DLGAP2: variants seen among roughly 807,000 people sequenced by gnomAD.
The protein encoded by DLGAP2 is DLG associated protein 2.
DLGAP2 carries 26 observed loss-of-function variants against 100.3 expected under a neutral mutation model. That is an observed-to-expected ratio of 0.26 (90% CI 0.19 to 0.36). The LOEUF is 0.36. Ranked by LOEUF, DLGAP2 falls within the 10% of genes least tolerant of loss-of-function variation. DLGAP2 has a pLI of 1.00. For synonymous variants in DLGAP2, 886 were observed against 630.1 expected (o/e 1.41, Z -6.08); for missense variants, 1,858 against 1,453.2 (o/e 1.28, Z -4.53).
At chr8:1,524,692 A>T (rs1425408933) in intron 4 of DLGAP2, among the ~76,000 whole-genome samples, 1 of 152,086 alleles carries the variant, frequency 6.6e-6, no homozygotes, top group East Asian at 1.9e-4. Flanking sequence ...AAACCTTCTC[A>T]TTGCCTTTCC....
chr8:1,332,880 G>A (rs1220535404), intron 3 of DLGAP2, among the ~76,000 whole-genome samples: 1 of 152,192 alleles, frequency 6.6e-6, no homozygotes. Context: ...CACGTGTGTT[G>A]AAAGCTCTGG....
chr8:878,456 G>T (rs1028008824), intron 1 of DLGAP2, among the ~76,000 whole-genome samples: 1 of 152,196 alleles, frequency 6.6e-6, no homozygotes, highest in Non-Finnish European at 1.5e-5. Flanking sequence ...AGTAGAGGTT[G>T]TGGGGACTGC....
intron 2 of DLGAP2, among the ~76,000 whole-genome samples, chr8:1,226,740 A>G (rs1365369301): frequency 3.9e-5 from 6 of 152,172 alleles, no homozygotes; most frequent in African/African-American, 1.4e-4. Flanking sequence ...CGCTTTTCAC[A>G]CAACTGTTGA....
In DLGAP2 at chr8:898,659, C is replaced by T. The variant is rs1251433771; in HGVS notation, c.19-9253C>T. On this transcript the variant is annotated intron_variant, in intron 1 of 14. Coordinates refer to ENST00000637795, the MANE Select transcript of DLGAP2 (RefSeq NM_001346810.2). ...TGCAGCTCATTGCTGGGTCCTCACT[C>T]AGATGCCTCTGTGGGGACCTCTGGT... Among the ~76,000 whole-genome samples, 9 of 150,706 alleles carry T rather than the reference C, an allele frequency of 6.0e-5. No homozygotes were observed. The South Asian group carries it at 1.7e-3, about 28-fold the overall frequency.
Position 1,359,727 on chromosome 8 carries a change from C to T in DLGAP2, c.106+100844C>T, listed in dbSNP as rs1454744242. ...AGCTCTTATAAAACCCGCGCGTTCCCTGCGCAGCGTGGGACTGTGGATATT... is the reference window on the plus strand; with the variant it reads ...AGCTCTTATAAAACCCGCGCGTTCCTTGCGCAGCGTGGGACTGTGGATATT... On this transcript the variant is annotated intron_variant, in intron 3 of 14. Coordinates refer to ENST00000637795, the MANE Select transcript of DLGAP2 (RefSeq NM_001346810.2). 3.3e-5 allele frequency among the ~76,000 whole-genome samples: 5 copies of T among 152,250 alleles called. No individual in the cohort carries two copies. The South Asian group carries it at 6.2e-4, about 19-fold the overall frequency.
chr8:1,591,732 G>A (rs902525415), intron 6 of DLGAP2, among the ~76,000 whole-genome samples: 3 of 152,244 alleles, frequency 2.0e-5, no homozygotes, highest in African/African-American at 4.8e-5. Flanking sequence ...ATATCTCCTG[G>A]CCCCACATCA....
intron 3 of DLGAP2, among the ~76,000 whole-genome samples, chr8:1,390,078 T>G (rs1417689262): frequency 6.6e-6 from 1 of 152,156 alleles, no homozygotes; most frequent in Non-Finnish European, 1.5e-5. Context: ...ATTTCATCCG[T>G]TGATGGAGAT....
At chr8:1,037,305 C>G (rs1802157547) in intron 2 of DLGAP2, among the ~76,000 whole-genome samples, 2 of 152,176 alleles carry the variant, frequency 1.3e-5, no homozygotes, top group African/African-American at 4.8e-5. Context: ...GGCTCTGGCT[C>G]AACCTGAAGG....
rs146757021 is a variant in DLGAP2, at chr8:1,123,382, G to A, written c.74-135469G>A. ...TCAAGTAACACCTGAGGCTTAGTAG[G>A]TACAGCCTCCACCCGGTCAGAATGA... On this transcript the variant is annotated intron_variant, in intron 2 of 14. Coordinates refer to ENST00000637795, the MANE Select transcript of DLGAP2 (RefSeq NM_001346810.2). 2.1e-3 allele frequency among the ~76,000 whole-genome samples: 322 copies of A among 152,286 alleles called. 4 individuals carry two copies. The highest frequency in any genetic ancestry group is 0.013 in the Admixed American group (205 of 15,294).
chr8:980,266 G>T (rs1049661118), intron 2 of DLGAP2, among the ~76,000 whole-genome samples: 3 of 152,198 alleles, frequency 2.0e-5, no homozygotes, highest in Admixed American at 6.5e-5. Context: ...CATAGAAGGT[G>T]CAGGGCCCAC....
chr8:1,360,130 G>C (rs1376060726), intron 3 of DLGAP2, among the ~76,000 whole-genome samples: 5 of 151,954 alleles, frequency 3.3e-5, no homozygotes, highest in Non-Finnish European at 5.9e-5. Context: ...GCAGGGACTT[G>C]CCTTCTGGGT....
rs189307252 is a variant in DLGAP2, at chr8:1,064,600, A to G, written c.73+156634A>G. ...TATCTGTTTTACTTAAACACTATTT[A>G]ATTTGATGGCTTTCTTTTTTCTTCA... On this transcript the variant is annotated intron_variant, in intron 2 of 14. Coordinates refer to ENST00000637795, the MANE Select transcript of DLGAP2 (RefSeq NM_001346810.2). 9.8e-5 allele frequency among the ~76,000 whole-genome samples: 15 copies of G among 152,326 alleles called. No individual in the cohort carries two copies. The East Asian group carries it at 2.9e-3, about 29-fold the overall frequency.
At chr8:1,232,325 TG>T (rs1284838236) in intron 2 of DLGAP2, among the ~76,000 whole-genome samples, 1 of 152,240 alleles carries the variant, frequency 6.6e-6, no homozygotes, top group African/African-American at 2.4e-5. Context: ...TGTCTTCCTC[TG>T]GCCCCACAGG....
intron 3 of DLGAP2, among the ~76,000 whole-genome samples, chr8:1,448,471 T>C (rs1798043239): frequency 6.6e-6 from 1 of 152,238 alleles, no homozygotes; most frequent in African/African-American, 2.4e-5. Context: ...ATAATTTCTG[T>C]TCTTTTACAT....
At chr8:1,268,035 C>G (rs1161564534) in intron 3 of DLGAP2, among the ~76,000 whole-genome samples, 1 of 152,186 alleles carries the variant, frequency 6.6e-6, no homozygotes, top group Non-Finnish European at 1.5e-5. Flanking sequence ...ATGAATTGAA[C>G]ATACCATCTG....
intron 2 of DLGAP2, among the ~76,000 whole-genome samples, chr8:1,176,403 G>C (rs1797257097): frequency 7.7e-6 from 1 of 129,374 alleles, no homozygotes; most frequent in Non-Finnish European, 1.7e-5. Flanking sequence ...CAGAGTTTCT[G>C]TGAGCTCCGT....
At chr8:984,989 G>C (rs1800445683) in intron 2 of DLGAP2, among the ~76,000 whole-genome samples, 1 of 152,196 alleles carries the variant, frequency 6.6e-6, no homozygotes, top group South Asian at 2.1e-4. Flanking sequence ...AGCTTAAACA[G>C]AACAGATGTG....
intron 2 of DLGAP2, among the ~76,000 whole-genome samples, chr8:1,037,033 C>G (rs1291421325): frequency 6.6e-6 from 1 of 152,040 alleles, no homozygotes; most frequent in Admixed American, 6.6e-5. Context: ...GCTTGCTGTT[C>G]TGCTGGCCAG....
chr8:862,527 C>A (rs1044487992), intron 1 of DLGAP2, among the ~76,000 whole-genome samples: 8 of 152,212 alleles, frequency 5.3e-5, no homozygotes, highest in Non-Finnish European at 1.0e-4. Context: ...TGGTCTCGAT[C>A]TCCTGACCTC....
Sources: gnomAD v4.1 joint callset for allele counts (sites outside exome capture counted in the v4.1 genomes callset) on GRCh38, gnomAD v4.1.1 for gene constraint, MANE v1.5 for transcripts, NCBI Gene and HGNC (gene_info 2026-07-23, HGNC 2026-07-21) for gene names.